NMUR1: variants seen among roughly 807,000 people sequenced by gnomAD.
The protein encoded by NMUR1 is neuromedin-U receptor 1.
In NMUR1, 16 loss-of-function variants were observed where a neutral mutation model predicts 18.8. That is an observed-to-expected ratio of 0.85 (90% CI 0.58 to 1.29). The LOEUF is 1.29. NMUR1 is among the 50% of genes most tolerant of loss of function. The probability of loss-of-function intolerance (pLI) is 0.00; values close to 1 mark genes in which losing one functional copy is unlikely to be tolerated. For synonymous variants in NMUR1, 258 were observed against 258.2 expected (o/e 1.00, Z 0.01); for missense variants, 529 against 580.3 (o/e 0.91, Z 0.91).
downstream of NMUR1, among the ~76,000 whole-genome samples, chr2:231,518,532 G>C (rs1459682205): frequency 6.6e-6 from 1 of 152,092 alleles, no homozygotes. Context: ...ATTGAAGGGG[G>C]GTAATATGCA....
At position 231,524,994 on chromosome 2, in the gene NMUR1, T is replaced by A. The variant is rs752732788; in HGVS notation, c.*49A>T. ...AGGAAGGCAGATGTGTCTCCCCAGC[T>A]CCAGGTGACCCTCTGGCCCCTCCAG... On this transcript the variant is annotated 3_prime_UTR_variant, in exon 3 of 3. Transcript: ENST00000305141. 6.6e-7 allele frequency: 1 copy of A among 1,508,346 alleles called. No individual in the cohort carries two copies. The highest frequency in any genetic ancestry group is 8.8e-7 in the Non-Finnish European group (1 of 1,135,202). The allele number at this position is 1,508,346 out of a possible 1,614,324, so 93.4% of individuals were successfully genotyped here. A position where few individuals can be genotyped will look rare whatever the true frequency, so the allele number is the denominator to read the frequency against.
downstream of NMUR1, among the ~76,000 whole-genome samples, chr2:231,521,535 G>T (rs529072570): frequency 2.0e-5 from 3 of 152,324 alleles, no homozygotes; most frequent in African/African-American, 7.2e-5. Context: ...CTCCAGAGCT[G>T]CAGGAACCAT....
intron 1 of NMUR1, 79 bp downstream of exon 1, chr2:231,530,280 C>A: frequency 1.4e-6 from 2 of 1,474,748 alleles, no homozygotes; most frequent in Non-Finnish European, 1.8e-6. Flanking sequence ...GGACCCTTCC[C>A]GCCCTAGGAC....
intron 1 of NMUR1, among the ~76,000 whole-genome samples, 177 bp downstream of exon 1, chr2:231,530,182 C>T (rs978429136): frequency 3.3e-5 from 5 of 152,282 alleles, no homozygotes; most frequent in African/African-American, 1.2e-4. Context: ...CGCAGCCCCC[C>T]GGCGCCCCTG....
At chr2:231,525,946 G>GCA (rs200137848) in intron 2 of NMUR1, among the ~76,000 whole-genome samples, 17 of 114,392 alleles carry the variant, frequency 1.5e-4, no homozygotes, top group Admixed American at 1.3e-3. Flanking sequence ...ACACATGCAT[G>GCA]CACACACACA....
chr2:231,525,957 G>C (rs10551749), intron 2 of NMUR1, among the ~76,000 whole-genome samples: 7 of 109,016 alleles, frequency 6.4e-5, no homozygotes, highest in Non-Finnish European at 1.0e-4. Context: ...CACACACACA[G>C]ACACACACAT....
At position 231,528,538 on chromosome 2, in the gene NMUR1, C is replaced by T; in HGVS notation, c.483G>A (p.Val161=). The T allele has an allele frequency of 6.2e-7, 1 of 1,613,996 alleles. No individual in the cohort carries two copies. Among genetic ancestry groups the T allele is most frequent in the Non-Finnish European group, 8.5e-7 (1 of 1,180,052 alleles). Residue 161 remains valine (V), a synonymous_variant, in exon 2 of 3, where the codon GTG becomes GTA. Coordinates refer to ENST00000305141, the MANE Select transcript of NMUR1 (RefSeq NM_006056.5). Reference sequence around the variant, plus strand: ...TGGCCTGGAGTGGGTGCACCACGGCCACATAGCGTTCCACGCTCAGGGCAG... The same window carrying T: ...TGGCCTGGAGTGGGTGCACCACGGCTACATAGCGTTCCACGCTCAGGGCAG... ...NVTALSVERY[V]AVVHPLQARS... is the part of the protein sequence containing the mutation.
rs774528447 is a variant in NMUR1 at position 231,525,248 on chromosome 2, A to G, written c.1076T>C (p.Met359Thr). ...SAANPVLYSL[M>T]SSRFRETFQE... ...GAAGGTCTCTCGGAAGCGGCTGGAC[A>G]TGAGGCTATAGAGCACGGGGTTGGC... Residue 359 changes from methionine (M) to threonine (T), a missense_variant, in exon 3 of 3, where the codon ATG (methionine) becomes ACG (threonine). Met to Thr is a moderately conservative substitution (Grantham distance 81, BLOSUM62 -1). Coordinates refer to ENST00000305141, the MANE Select transcript of NMUR1 (RefSeq NM_006056.5). 11 of 1,614,072 alleles carry G rather than the reference A, an allele frequency of 6.8e-6. No homozygotes were observed. The highest frequency in any genetic ancestry group is 8.5e-6 in the Non-Finnish European group (10 of 1,180,046).
At position 231,523,240 on chromosome 2, in the gene NMUR1, C is replaced by T. The variant is rs1421288670; in HGVS notation, c.*1803G>A. ...TTTTTTCTTTCCTTTAGATTTAATCCTCTTTTTATAAAAATTGTGGTAAAA... is the reference window on the plus strand; with the variant it reads ...TTTTTTCTTTCCTTTAGATTTAATCTTCTTTTTATAAAAATTGTGGTAAAA... On this transcript the variant is annotated 3_prime_UTR_variant, in exon 3 of 3. Transcript: ENST00000305141. The T allele has an allele frequency of 5.5e-6, 2 of 361,026 alleles. No individual in the cohort carries two copies. Among genetic ancestry groups the T allele is most frequent in the Non-Finnish European group, 1.0e-5 (2 of 199,368 alleles). 22.4% of individuals were successfully genotyped at this position (361,026 alleles called of 1,614,324 possible). A position where few individuals can be genotyped will look rare whatever the true frequency, so the allele number is the denominator to read the frequency against.
chr2:231,528,188 C>A lies in NMUR1; in HGVS notation c.833G>T (p.Arg278Met). 6.2e-7 allele frequency: 1 copy of A among 1,603,444 alleles called. No individual in the cohort carries two copies. ...EAKGRGSAAA[R>M]SRYTCRLQQH... ...CTGGAGCCTGCAGGTGTATCTGGAC[C>A]TGGCTGCTGCAGAGCCCCTGCCCTT... Residue 278 changes from arginine (R) to methionine (M), a missense_variant, in exon 2 of 3, where the codon AGG (arginine) becomes ATG (methionine). By Grantham distance (91) the Arg-to-Met change is moderately conservative. Transcript: ENST00000305141.
Position 231,528,326 on chromosome 2 carries a change from A to G in NMUR1, c.695T>C (p.Val232Ala), listed in dbSNP as rs1384352674. Residue 232 changes from valine to alanine, a missense_variant, in exon 2 of 3, where the codon GTG becomes GCG. Val to Ala is a moderately conservative substitution (Grantham distance 64, BLOSUM62 0). Coordinates refer to ENST00000305141, the MANE Select transcript of NMUR1 (RefSeq NM_006056.5). ...GAAGAAGAGCAGCGCGGTGGTCTGC[A>G]CTACCATGTTGTAGAGGGCCCGTGG... ...VRPRALYNMVVQTTALLFFCL... is the reference protein window; with the variant it reads ...VRPRALYNMVAQTTALLFFCL... 1.9e-6 allele frequency: 3 copies of G among 1,613,166 alleles called. No individual in the cohort carries two copies. The highest frequency in any genetic ancestry group is 2.5e-6 in the Non-Finnish European group (3 of 1,179,470).
At chr2:231,518,763 A>G (rs1430364169), downstream of NMUR1, among the ~76,000 whole-genome samples, 1 of 152,192 alleles carries the variant, frequency 6.6e-6, no homozygotes, top group Non-Finnish European at 1.5e-5. Flanking sequence ...TGGCCAGGGA[A>G]GTCCACGCGC....
intron 2 of NMUR1, among the ~76,000 whole-genome samples, chr2:231,527,627 G>A (rs1298327913): frequency 7.6e-6 from 1 of 131,038 alleles, no homozygotes; most frequent in Non-Finnish European, 1.6e-5. Flanking sequence ...GACAGAGCAA[G>A]ACCCTGTCTC....
chr2:231,527,803 T>C (rs921256349), intron 2 of NMUR1, among the ~76,000 whole-genome samples: 1 of 152,134 alleles, frequency 6.6e-6, no homozygotes, highest in Non-Finnish European at 1.5e-5. Flanking sequence ...GGTTTAATGC[T>C]CTGTTGTTGC....
chr2:231,525,112 C>T lies in NMUR1; in HGVS notation c.1212G>A (p.Leu404=), dbSNP rs768631781. The change falls in exon 3 of 3, where the codon CTG becomes CTA. Residue 404 remains leucine (L), a synonymous_variant. Coordinates refer to ENST00000305141, the MANE Select transcript of NMUR1 (RefSeq NM_006056.5). ...CAGCCAGGGGGTGGACCCAGCTGCC[C>T]AGGGAGCCCACATCACACAGGGTGC... The part of the protein sequence containing the change: ...TGSTLCDVGS[L]GSWVHPLAGN... The T allele has an allele frequency of 5.6e-5, 91 of 1,612,822 alleles. No individual in the cohort carries two copies. Among genetic ancestry groups the T allele is most frequent in the Non-Finnish European group, 7.5e-5 (88 of 1,179,370 alleles).
rs2047401094 is a variant in NMUR1, at chr2:231,530,227, G to C, written c.3+132C>G. ...CACAAATGACCCGAGAAGTTGCGAG[G>C]CTCCCCGGTGGCGGGGACGGGGGGC... On this transcript the variant is annotated intron_variant, in intron 1 of 2. Coordinates refer to ENST00000305141, the MANE Select transcript of NMUR1 (RefSeq NM_006056.5). 4 of 1,110,904 alleles carry C rather than the reference G, an allele frequency of 3.6e-6. No individual in the cohort carries two copies. The East Asian group carries it at 1.3e-4, about 35-fold the overall frequency. 68.8% of individuals were successfully genotyped at this position (1,110,904 alleles called of 1,614,324 possible).
rs1253430646 is a variant in NMUR1, at chr2:231,523,403, C to G, written c.*1640G>C. 2.1e-5 allele frequency: 7 copies of G among 332,654 alleles called. No homozygotes were observed. The highest frequency in any genetic ancestry group is 3.8e-5 in the Non-Finnish European group (7 of 183,356). The allele number at this position is 332,654 out of a possible 1,614,324, so 20.6% of individuals were successfully genotyped here. A position where few individuals can be genotyped will look rare whatever the true frequency, so the allele number is the denominator to read the frequency against. ...CTGAAACTCTTCACCCATTAAAGAA[C>G]TCCTCACTTGCCCTTCCCCCATTCC... is the stretch of plus-strand genomic sequence containing the variant. On this transcript the variant is annotated 3_prime_UTR_variant, in exon 3 of 3. Transcript: ENST00000305141.
chr2:231,530,043 C>A (rs1229396079), intron 1 of NMUR1, among the ~76,000 whole-genome samples: 1 of 152,252 alleles, frequency 6.6e-6, no homozygotes, highest in South Asian at 2.1e-4. Context: ...GAGCCCCACA[C>A]CCTTCCTCCC....
rs1249559217 is a variant in NMUR1 at position 231,530,301 on chromosome 2, G to T, written c.3+58C>A. On this transcript the variant is annotated intron_variant, in intron 1 of 2. Coordinates refer to ENST00000305141, the MANE Select transcript of NMUR1 (RefSeq NM_006056.5). ...TTCCCGCCCTAGGACGACCCTGCCCGCACCGAGCCCCGGCCCAGCTGCCGC... is the reference window on the plus strand; with the variant it reads ...TTCCCGCCCTAGGACGACCCTGCCCTCACCGAGCCCCGGCCCAGCTGCCGC... 6.0e-6 allele frequency: 9 copies of T among 1,497,660 alleles called. No individual in the cohort carries two copies. In the African/African-American group the frequency reaches 1.0e-4, roughly 17 times the overall value. The allele number at this position is 1,497,660 out of a possible 1,614,324, so 92.8% of individuals were successfully genotyped here.
Sources: gnomAD v4.1 joint callset for allele counts (sites outside exome capture counted in the v4.1 genomes callset) on GRCh38, gnomAD v4.1.1 for gene constraint, MANE v1.5 for transcripts, NCBI Gene and HGNC (gene_info 2026-07-23, HGNC 2026-07-21) for gene names.